The following ERBB4 variants were observed in gnomAD, a reference collection of about 807,000 sequenced individuals.
ERBB4 encodes receptor tyrosine-protein kinase erbB-4.
Under a neutral mutation model 158.0 loss-of-function variants are expected in ERBB4, and 42 were observed. That is an observed-to-expected ratio of 0.27 (90% confidence interval 0.21 to 0.34). The LOEUF is 0.34. Among genes scored for constraint, ERBB4 ranks in the 10% least tolerant of loss-of-function variants. The pLI, the probability that ERBB4 is intolerant of heterozygous loss-of-function variation, is 1.00. For synonymous variants in ERBB4, 583 were observed against 558.7 expected (o/e 1.04, Z -0.61); for missense variants, 1,333 against 1,624.1 (o/e 0.82, Z 3.08).
chr2:212,315,644 T>A (rs1363068876), intron 1 of ERBB4, among the ~76,000 whole-genome samples: 2 of 150,440 alleles, frequency 1.3e-5, no homozygotes, highest in African/African-American at 2.4e-5. Context: ...TCCTGCCTTA[T>A]CTGGGTAGAA....
chr2:211,431,730 C>T (rs1054822290), intron 20 of ERBB4, among the ~76,000 whole-genome samples: 1 of 152,000 alleles, frequency 6.6e-6, no homozygotes, highest in Non-Finnish European at 1.5e-5. Flanking sequence ...TATGAGAATC[C>T]ATAGTGAAAT....
chr2:211,865,579 C>A lies in ERBB4; in HGVS notation c.422-77420G>T, dbSNP rs142705675. 4.4e-3 allele frequency among the ~76,000 whole-genome samples: 666 copies of A among 152,204 alleles called. 4 individuals carry two copies. The highest frequency in any genetic ancestry group is 0.015 in the African/African-American group (624 of 41,536). On this transcript the variant is annotated intron_variant, in intron 3 of 27. Coordinates refer to ENST00000342788, the MANE Select transcript of ERBB4 (RefSeq NM_005235.3). ...CTTGGCTCACTGCAACTTCTGCCTC[C>A]CAGGTTCAAGTGATTCTCTCGCCTC...
chr2:211,619,362 T>G (rs1184764755), intron 18 of ERBB4, 87 bp from the exon 19 acceptor site: 2 of 775,386 alleles, frequency 2.6e-6, no homozygotes, highest in Non-Finnish European at 4.5e-6. Flanking sequence ...ATTATAACAT[T>G]CAATCAACAA....
intron 1 of ERBB4, among the ~76,000 whole-genome samples, chr2:212,243,670 G>T (rs559644994): frequency 6.6e-6 from 1 of 151,982 alleles, no homozygotes; most frequent in Non-Finnish European, 1.5e-5. Flanking sequence ...TGTAATAGTT[G>T]CTCTGAATTT....
intron 1 of ERBB4, among the ~76,000 whole-genome samples, chr2:212,407,608 T>C (rs1220784697): frequency 6.6e-6 from 1 of 152,078 alleles, no homozygotes; most frequent in Non-Finnish European, 1.5e-5. Flanking sequence ...GGCATATATA[T>C]AAAATTCAAG....
chr2:211,604,491 C>T (rs2068911323), intron 19 of ERBB4, among the ~76,000 whole-genome samples: 1 of 152,086 alleles, frequency 6.6e-6, no homozygotes, highest in African/African-American at 2.4e-5. Flanking sequence ...TCCCTGAATA[C>T]TTTATGCTCG....
chr2:212,058,714 G>A (rs1396233368), intron 2 of ERBB4, among the ~76,000 whole-genome samples: 1 of 152,186 alleles, frequency 6.6e-6, no homozygotes, highest in Non-Finnish European at 1.5e-5. Context: ...AATAGATGCA[G>A]AAAAGGCCTT....
At chr2:211,680,742 A>C (rs1036406320) in intron 12 of ERBB4, among the ~76,000 whole-genome samples, 4 of 152,176 alleles carry the variant, frequency 2.6e-5, no homozygotes, top group African/African-American at 9.7e-5. Flanking sequence ...AAACTGTGTA[A>C]AAATTTTTTA....
At chr2:212,208,649 T>C (rs1171230085) in intron 1 of ERBB4, among the ~76,000 whole-genome samples, 1 of 152,138 alleles carries the variant, frequency 6.6e-6, no homozygotes, top group East Asian at 1.9e-4. Flanking sequence ...TTAGAGGCAG[T>C]GGGAATTCAA....
chr2:212,182,905 A>C, intron 1 of ERBB4, among the ~76,000 whole-genome samples: 1 of 151,468 alleles, frequency 6.6e-6, no homozygotes, highest in Middle Eastern at 3.4e-3. Flanking sequence ...TTTTAAGATG[A>C]ATATTTTAAC....
intron 3 of ERBB4, among the ~76,000 whole-genome samples, chr2:211,906,519 A>ATCCTTAGCAAAC (rs1429021109): frequency 6.6e-6 from 1 of 152,048 alleles, no homozygotes; most frequent in Middle Eastern, 3.4e-3. Flanking sequence ...AGAAGAAAGT[A>ATCCTTAGCAAAC]TAAATATTGA....
intron 1 of ERBB4, among the ~76,000 whole-genome samples, chr2:212,323,037 C>T (rs138143665): frequency 4.3e-4 from 64 of 150,360 alleles, no homozygotes; most frequent in African/African-American, 1.5e-3. Context: ...TTAAAATAAA[C>T]TATTTAATTT....
Position 211,630,544 on chromosome 2 carries a change from A to G in ERBB4, c.1997T>C (p.Ile666Thr), listed in dbSNP as rs763212392. The change falls in exon 17 of 28, where the codon ATT becomes ACT. Residue 666 changes from isoleucine (I) to threonine (T), a missense_variant. Physicochemically the swap from Ile to Thr is moderately conservative, Grantham distance 89 (BLOSUM62 -1). This residue lies in a region of ERBB4 where 245 missense variants were observed against 247.5 expected (regional missense o/e 0.99). Transcript: ENST00000342788. ...ATAAACAGCAAATGTCAGACCCACA[A>G]TGACCAGAATGAAGAGCCCACCAAT... Reference protein sequence around the residue: ...GVIGGLFILVIVGLTFAVYVR... With the variant: ...GVIGGLFILVTVGLTFAVYVR... 7.4e-6 allele frequency: 12 copies of G among 1,613,706 alleles called. No individual in the cohort carries two copies. The highest frequency in any genetic ancestry group is 5.3e-5 in the African/African-American group (4 of 74,882).
At chr2:212,261,377 A>T (rs1188641773) in intron 1 of ERBB4, among the ~76,000 whole-genome samples, 1 of 152,194 alleles carries the variant, frequency 6.6e-6, no homozygotes, top group Non-Finnish European at 1.5e-5. Context: ...GGACTGAGTA[A>T]AGTTTGAACA....
rs754829537 is a variant in ERBB4, at chr2:211,383,794, G to A, written c.3748C>T (p.Arg1250Trp). The A allele has an allele frequency of 7.4e-6, 12 of 1,614,086 alleles. No homozygotes were observed. Among genetic ancestry groups the A allele is most frequent in the Admixed American group, 1.7e-5 (1 of 60,010 alleles). The change falls in exon 28 of 28, where the codon CGG becomes TGG. Residue 1250 changes from arginine to tryptophan, a missense_variant. Arg to Trp is a moderately radical substitution (Grantham distance 101). Coordinates refer to ENST00000342788, the MANE Select transcript of ERBB4 (RefSeq NM_005235.3). ...TAGTCTGGGTGCTGAAGGGTGCTCC[G>A]AGGTGGCAGGCTGTGGTTCCAGTAG... ...PDYWNHSLPP[R>W]STLQHPDYLQ... is the part of the protein sequence containing the mutation.
chr2:211,739,447 T>C (rs979968173), intron 5 of ERBB4, among the ~76,000 whole-genome samples: 6 of 152,294 alleles, frequency 3.9e-5, no homozygotes, highest in African/African-American at 1.4e-4. Context: ...GGTTATTCTT[T>C]TCAAACATCT....
chr2:212,421,880 T>G (rs372510892), intron 1 of ERBB4, among the ~76,000 whole-genome samples: 1 of 152,210 alleles, frequency 6.6e-6, no homozygotes, highest in East Asian at 1.9e-4. Context: ...TTAGGAATAC[T>G]GTTGAAAAAG....
intron 20 of ERBB4, among the ~76,000 whole-genome samples, chr2:211,506,193 G>T (rs982041450): frequency 6.7e-6 from 1 of 149,766 alleles, no homozygotes; most frequent in Non-Finnish European, 1.5e-5. Context: ...TAACAATAAA[G>T]AGTGCAATAC....
At chr2:212,072,310 T>C (rs2078145378) in intron 2 of ERBB4, among the ~76,000 whole-genome samples, 2 of 151,960 alleles carry the variant, frequency 1.3e-5, no homozygotes, top group South Asian at 4.1e-4. Flanking sequence ...ATTGAAACAG[T>C]CCAACTCATC....
Sources: gnomAD v4.1 joint callset for allele counts (sites outside exome capture counted in the v4.1 genomes callset) on GRCh38, gnomAD v4.1.1 for gene constraint, gnomAD v4.1.1 regional missense constraint, MANE v1.5 for transcripts, NCBI Gene and HGNC (gene_info 2026-07-23, HGNC 2026-07-21) for gene names.